ASCC2: variants seen among roughly 807,000 people sequenced by gnomAD.
ASCC2 encodes the protein ASC-1 complex subunit P100.
A neutral mutation model predicts 93.5 loss-of-function variants in ASCC2; 42 were observed. That is an observed-to-expected ratio of 0.45 (90% CI 0.35 to 0.58). ASCC2 has a LOEUF of 0.58. ASCC2 is among the 20% of genes least tolerant of loss of function. The pLI is 0.00. For missense variants in ASCC2, 859 were observed against 977.6 expected (o/e 0.88, Z 1.62); for synonymous variants, 364 against 384.2 (o/e 0.95, Z 0.62).
At chr22:29,797,282 C>T (rs1045091453) in intron 15 of ASCC2, among the ~76,000 whole-genome samples, 3 of 152,158 alleles carry the variant, frequency 2.0e-5, no homozygotes, top group Non-Finnish European at 4.4e-5. Context: ...CCTGAAACCT[C>T]GCCACCTTTC....
chr22:29,808,549 A>T (rs1038770395), intron 8 of ASCC2, among the ~76,000 whole-genome samples: 1 of 152,196 alleles, frequency 6.6e-6, no homozygotes, highest in Non-Finnish European at 1.5e-5. Flanking sequence ...AGCCAGGCAC[A>T]GTGGCTCATG....
intron 15 of ASCC2, among the ~76,000 whole-genome samples, chr22:29,798,935 C>G (rs568491146): frequency 6.6e-6 from 1 of 152,340 alleles, no homozygotes; most frequent in East Asian, 1.9e-4. Context: ...CCTGGGCTAC[C>G]CAGCACAGTG....
intron 18 of ASCC2, among the ~76,000 whole-genome samples, chr22:29,790,962 C>T (rs1319081716): frequency 6.6e-6 from 1 of 152,206 alleles, no homozygotes; most frequent in Middle Eastern, 3.2e-3. Context: ...CTCACTGTGG[C>T]ACCACTAGCA....
At chr22:29,832,749 CTT>C (rs956397200) in intron 1 of ASCC2, among the ~76,000 whole-genome samples, 6 of 144,140 alleles carry the variant, frequency 4.2e-5, no homozygotes, top group South Asian at 2.2e-4. Context: ...CCATGCCCAG[CTT>C]TTTTTTTTTT....
chr22:29,793,648 A>G lies in ASCC2; in HGVS notation c.1717T>C (p.Leu573=). ...GCCACTGCACGCTTGTCGTTCAGCAAACTCCGCGTGTTTTCCTCCTTCCTG... is the reference window on the plus strand; with the variant it reads ...GCCACTGCACGCTTGTCGTTCAGCAGACTCCGCGTGTTTTCCTCCTTCCTG... ...STRKEENTRS[L]LNDKRAVAAQ... Residue 573 remains leucine (L), a synonymous_variant, in exon 16 of 20, where the codon TTG becomes CTG. Coordinates refer to ENST00000307790, the MANE Select transcript of ASCC2 (RefSeq NM_032204.5). 1 of 1,586,746 alleles carries G rather than the reference A, an allele frequency of 6.3e-7. No individual in the cohort carries two copies. Among genetic ancestry groups the G allele is most frequent in the Non-Finnish European group, 8.6e-7 (1 of 1,167,256 alleles).
At chr22:29,834,515 ATCAG>A (rs1376411762) in intron 1 of ASCC2, 3 of 471,132 alleles carry the variant, frequency 6.4e-6, no homozygotes, top group Non-Finnish European at 1.3e-5. Context: ...ATCCCAGCAG[ATCAG>A]ACACACATGG....
chr22:29,791,978 T>C (rs2057813297), intron 18 of ASCC2, among the ~76,000 whole-genome samples: 1 of 152,216 alleles, frequency 6.6e-6, no homozygotes, highest in African/African-American at 2.4e-5. Flanking sequence ...CAGTACCGCG[T>C]TTATCTGTTC....
chr22:29,825,505 G>C lies in ASCC2; in HGVS notation c.240+117C>G. 1 of 1,419,832 alleles carries C rather than the reference G, an allele frequency of 7.0e-7. No individual in the cohort carries two copies. The highest frequency in any genetic ancestry group is 2.3e-5 in the East Asian group (1 of 43,148). The allele number at this position is 1,419,832 out of a possible 1,614,324, so 88.0% of individuals were successfully genotyped here. A position where few individuals can be genotyped will look rare whatever the true frequency, so the allele number is the denominator to read the frequency against. On this transcript the variant is annotated intron_variant, in intron 3 of 19. Transcript: ENST00000307790. This position sits in a 1 kb window ranked among gnomAD's most constrained non-coding sequence, Gnocchi z 4.9. Reference sequence around the variant, plus strand: ...ATCCGAACCACAATTTGCTGTTAAGGATCCAGTGAAAGAAGTAGACAAAAA... The same window carrying C: ...ATCCGAACCACAATTTGCTGTTAAGCATCCAGTGAAAGAAGTAGACAAAAA...
In ASCC2 at chr22:29,802,007, G is replaced by A. The variant is rs369189168; in HGVS notation, c.1555C>T (p.Arg519Cys). 3.6e-5 allele frequency: 58 copies of A among 1,597,130 alleles called. No homozygotes were observed. The Admixed American group carries it at 6.6e-4, about 18-fold the overall frequency. ...RLAPTLSQLD[R>C]NLDREMKPDP... ...TGTCTCTCCCACCTGTCTAGGTTGC[G>A]GTCCAGCTGGCTGAGGGTGGGGGCC... The change falls in exon 14 of 20, where the codon CGC (arginine) becomes TGC (cysteine). Residue 519 changes from arginine (R) to cysteine (C), a missense_variant. By Grantham distance (180) the Arg-to-Cys change is radical (BLOSUM62 -3). Coordinates refer to ENST00000307790, the MANE Select transcript of ASCC2 (RefSeq NM_032204.5).
At position 29,806,466 on chromosome 22, in the gene ASCC2, C is replaced by A; in HGVS notation, c.1085+19G>T. ...CCTGTGGGAGGGTCATGGGCCCAGG[C>A]CAGCTCAGCCACACTCACCTCTTCT... On this transcript the variant is annotated intron_variant, in intron 11 of 19. Transcript: ENST00000307790. 6.2e-7 allele frequency: 1 copy of A among 1,613,026 alleles called. No homozygotes were observed. Among genetic ancestry groups the A allele is most frequent in the Non-Finnish European group, 8.5e-7 (1 of 1,179,268 alleles).
chr22:29,792,488 CCTT>C lies in ASCC2; in HGVS notation c.1964_1966del (p.Glu655del). On this transcript the variant is annotated inframe_deletion, in exon 18 of 20. Coordinates refer to ENST00000307790, the MANE Select transcript of ASCC2 (RefSeq NM_032204.5). The stretch of plus-strand genomic sequence containing the variant: ...CTCATCGTCGTCATCCTCCTCCTGC[CCTT>C]CTCTAGGCACTTTGGTTCTCAGCAC... The C allele has an allele frequency of 6.2e-7, 1 of 1,614,096 alleles. No individual in the cohort carries two copies.
At position 29,825,700 on chromosome 22, in the gene ASCC2, C is replaced by T; in HGVS notation, c.162G>A (p.Glu54=). ...PKDNIPALVE[E]YLERATFVAN... is the part of the protein sequence containing the mutation. The stretch of plus-strand genomic sequence containing the variant: ...CTACGAAGGTGGCGCGTTCCAGGTA[C>T]TCCTCCACTAGGGCGGGAATGTTGT... The change falls in exon 3 of 20, where the codon GAG becomes GAA. Residue 54 remains glutamate (E), a synonymous_variant. Coordinates refer to ENST00000307790, the MANE Select transcript of ASCC2 (RefSeq NM_032204.5). This position sits in a 1 kb window ranked among gnomAD's most constrained non-coding sequence, Gnocchi z 4.9. 1 of 1,614,246 alleles carries T rather than the reference C, an allele frequency of 6.2e-7. No individual in the cohort carries two copies. Among genetic ancestry groups the T allele is most frequent in the Non-Finnish European group, 8.5e-7 (1 of 1,180,042 alleles).
chr22:29,830,153 G>C (rs2062948729), intron 2 of ASCC2, among the ~76,000 whole-genome samples: 1 of 152,068 alleles, frequency 6.6e-6, no homozygotes, highest in Admixed American at 6.5e-5. Flanking sequence ...CATCACCATT[G>C]TAATAACAAT....
At chr22:29,837,950 G>T (rs377578601) in intron 1 of ASCC2, among the ~76,000 whole-genome samples, 1 of 152,356 alleles carries the variant, frequency 6.6e-6, no homozygotes, top group East Asian at 1.9e-4. Flanking sequence ...GTGAGGACGT[G>T]GGGGGATCGT....
In ASCC2 at chr22:29,814,639, G is replaced by T. The variant is rs1178340780; in HGVS notation, c.720+18C>A. On this transcript the variant is annotated intron_variant, in intron 7 of 19. Coordinates refer to ENST00000307790, the MANE Select transcript of ASCC2 (RefSeq NM_032204.5). ...AGGGACCCGGCAGGAAAGAGACTGG[G>T]CCGAAGGGCAACCTTACCAGGAGAG... The T allele has an allele frequency of 1.9e-6, 3 of 1,578,046 alleles. No homozygotes were observed. Among genetic ancestry groups the T allele is most frequent in the Non-Finnish European group, 2.6e-6 (3 of 1,162,676 alleles).
chr22:29,819,938 C>T (rs1214206602), intron 5 of ASCC2, among the ~76,000 whole-genome samples: 1 of 152,072 alleles, frequency 6.6e-6, no homozygotes, highest in Non-Finnish European at 1.5e-5. Context: ...TAGTTCACTA[C>T]AGCCTCAACA....
intron 5 of ASCC2, among the ~76,000 whole-genome samples, chr22:29,818,841 T>C (rs1382141880): frequency 2.0e-5 from 3 of 152,130 alleles, no homozygotes; most frequent in Non-Finnish European, 4.4e-5. Context: ...AAGGGCCTTT[T>C]TCCTGCAACC....
At chr22:29,818,722 C>T (rs556566702) in intron 5 of ASCC2, among the ~76,000 whole-genome samples, 1 of 152,184 alleles carries the variant, frequency 6.6e-6, no homozygotes, top group Non-Finnish European at 1.5e-5. Flanking sequence ...TAGGCTTTCT[C>T]ACTCTCCCAT....
chr22:29,821,493 T>C (rs1272031179), intron 5 of ASCC2, among the ~76,000 whole-genome samples: 3 of 152,228 alleles, frequency 2.0e-5, no homozygotes, highest in South Asian at 2.1e-4. Context: ...AGTTTCCTTA[T>C]CTGTAAGTGG....
Sources: allele counts gnomAD v4.1 joint callset (sites outside exome capture counted in the v4.1 genomes callset), GRCh38; gene constraint gnomAD v4.1.1; non-coding constraint Gnocchi (gnomAD v3.1); transcripts MANE v1.5; gene names NCBI Gene and HGNC (gene_info 2026-07-23, HGNC 2026-07-21).